RBMXL1: variants seen among roughly 807,000 people sequenced by gnomAD.
RBMXL1 encodes RBMX like 1, also known as RNA binding motif protein, X-linked-like-1.
A neutral mutation model predicts 29.0 loss-of-function variants in RBMXL1; 18 were observed. The ratio of observed to expected loss-of-function variants is 0.62; its 90% CI spans 0.43 to 0.92. The LOEUF is 0.92. Among genes scored for constraint, RBMXL1 ranks in the 40% least tolerant of loss-of-function variants. RBMXL1 has a pLI of 0.00. For synonymous variants in RBMXL1, 141 were observed against 170.4 expected, an observed-to-expected ratio of 0.83 and a Z score of 1.34; for missense variants, 403 against 495.8, an observed-to-expected ratio of 0.81 and a Z score of 1.78.
chr1:88,983,742 C>G lies in RBMXL1; in HGVS notation c.85G>C (p.Gly29Arg). The G allele has an allele frequency of 6.2e-7, 1 of 1,614,054 alleles. No individual in the cohort carries two copies. The highest frequency in any genetic ancestry group is 1.1e-5 in the South Asian group (1 of 91,074). ...ACTTCCACTATTCGTCCATATTTGCCAAATACTGTTTCAAGAGCTTTCTCA... is the reference window on the plus strand; with the variant it reads ...ACTTCCACTATTCGTCCATATTTGCGAAATACTGTTTCAAGAGCTTTCTCA... Reference protein sequence around the residue: ...TNEKALETVFGKYGRIVEVLL... With the variant: ...TNEKALETVFRKYGRIVEVLL... The change falls in exon 3 of 3, where the codon GGC becomes CGC. Residue 29 changes from glycine (G) to arginine (R), a missense_variant. Coordinates refer to ENST00000652648, the MANE Select transcript of RBMXL1 (RefSeq NM_001162536.3).
rs1295353030 is a variant in RBMXL1, at chr1:88,980,806, A to C, written c.*1848T>G. ...CACAGAAGCTTTAACCCAAGTAATC[A>C]TAAGAATATGGAAGGATTCGGCTAA... On this transcript the variant is annotated 3_prime_UTR_variant, in exon 3 of 3. Coordinates refer to ENST00000652648, the MANE Select transcript of RBMXL1 (RefSeq NM_001162536.3). 6.6e-6 allele frequency: 1 copy of C among 152,196 alleles called. No homozygotes were observed. Among genetic ancestry groups the C allele is most frequent in the African/African-American group, 2.4e-5 (1 of 41,442 alleles). The allele number at this position is 152,196 out of a possible 1,614,324, so 9.4% of individuals were successfully genotyped here. A position where few individuals can be genotyped will look rare whatever the true frequency, so the allele number is the denominator to read the frequency against.
chr1:88,981,200 C>T lies in RBMXL1; in HGVS notation c.*1454G>A, dbSNP rs1677068714. ...CCATCTTAGCATGGTTGTTACTTTC[C>T]AGATGTCACTCATAAGTTTTATTCT... On this transcript the variant is annotated 3_prime_UTR_variant, in exon 3 of 3. Transcript: ENST00000652648. The T allele has an allele frequency of 6.6e-6, 1 of 152,174 alleles. No individual in the cohort carries two copies. The allele number at this position is 152,174 out of a possible 1,614,324, so 9.4% of individuals were successfully genotyped here.
In RBMXL1 at chr1:88,981,051, A is replaced by G. The variant is rs1389724527; in HGVS notation, c.*1603T>C. The G allele has an allele frequency of 2.6e-5, 4 of 152,216 alleles. No homozygotes were observed. Among genetic ancestry groups the G allele is most frequent in the African/African-American group, 9.6e-5 (4 of 41,452 alleles). 9.4% of individuals were successfully genotyped at this position (152,216 alleles called of 1,614,324 possible). A position where few individuals can be genotyped will look rare whatever the true frequency, so the allele number is the denominator to read the frequency against. On this transcript the variant is annotated 3_prime_UTR_variant, in exon 3 of 3. Coordinates refer to ENST00000652648, the MANE Select transcript of RBMXL1 (RefSeq NM_001162536.3). ...AGTCTGTTTCCTTTGAGAACATTAC[A>G]CTATTGGCTCTAGTCTCCAAAGCAA...
intron 2 of RBMXL1, among the ~76,000 whole-genome samples, chr1:88,985,685 C>T (rs2101092170): frequency 6.6e-6 from 1 of 152,308 alleles, no homozygotes; most frequent in Middle Eastern, 3.4e-3. Flanking sequence ...CATGTAAGTG[C>T]TATGGCAATT....
At position 88,981,429 on chromosome 1, in the gene RBMXL1, C is replaced by T. The variant is rs1677084378; in HGVS notation, c.*1225G>A. Reference sequence around the variant, plus strand: ...CTGTGTAAAGGACCACGAGAACCTCCTGACTACCTCCACTTACCAATTTCC... The same window carrying T: ...CTGTGTAAAGGACCACGAGAACCTCTTGACTACCTCCACTTACCAATTTCC... On this transcript the variant is annotated 3_prime_UTR_variant, in exon 3 of 3. Coordinates refer to ENST00000652648, the MANE Select transcript of RBMXL1 (RefSeq NM_001162536.3). 1 of 152,730 alleles carries T rather than the reference C, an allele frequency of 6.5e-6. No individual in the cohort carries two copies. The highest frequency in any genetic ancestry group is 2.1e-4 in the South Asian group (1 of 4,850). The allele number at this position is 152,730 out of a possible 1,614,324, so 9.5% of individuals were successfully genotyped here. A position where few individuals can be genotyped will look rare whatever the true frequency, so the allele number is the denominator to read the frequency against.
At position 88,980,472 on chromosome 1, in the gene RBMXL1, A is replaced by G. The variant is rs905034100; in HGVS notation, c.*2182T>C. 4.6e-5 allele frequency: 7 copies of G among 152,518 alleles called. No individual in the cohort carries two copies. Among genetic ancestry groups the G allele is most frequent in the Non-Finnish European group, 8.8e-5 (6 of 68,010 alleles). The allele number at this position is 152,518 out of a possible 1,614,324, so 9.4% of individuals were successfully genotyped here. On this transcript the variant is annotated 3_prime_UTR_variant, in exon 3 of 3. Coordinates refer to ENST00000652648, the MANE Select transcript of RBMXL1 (RefSeq NM_001162536.3). ...AAAGTTGTATTAAGTTTCAATACAA[A>G]ACATTCCAAAAAGTGAAAAGTGATC...
intron 1 of RBMXL1, among the ~76,000 whole-genome samples, chr1:88,988,708 G>C (rs969644118): frequency 8.5e-5 from 13 of 152,154 alleles, no homozygotes; most frequent in African/African-American, 3.1e-4. Flanking sequence ...TTTCAATCTA[G>C]GAACTACTCA....
At position 88,983,266 on chromosome 1, in the gene RBMXL1, T is replaced by C. The variant is rs1677208271; in HGVS notation, c.561A>G (p.Arg187=). ...TTCGAGGTGGACCTCCATAACTATC[T>C]CTTCCACGTGATAGAGGAGCTCTTC... is the stretch of plus-strand genomic sequence containing the variant. The part of the protein sequence containing the change: ...MGGRAPLSRG[R]DSYGGPPRRE... The change falls in exon 3 of 3, where the codon AGA becomes AGG. Residue 187 remains arginine, a synonymous_variant. Transcript: ENST00000652648. The C allele has an allele frequency of 6.2e-7, 1 of 1,613,608 alleles. No homozygotes were observed. The highest frequency in any genetic ancestry group is 8.5e-7 in the Non-Finnish European group (1 of 1,179,948).
Position 88,979,481 on chromosome 1 carries a change from T to C in RBMXL1, c.*3173A>G, listed in dbSNP as rs1676966161. The C allele has an allele frequency of 6.6e-6, 1 of 152,118 alleles. No individual in the cohort carries two copies. Among genetic ancestry groups the C allele is most frequent in the African/African-American group, 2.4e-5 (1 of 41,426 alleles). 9.4% of individuals were successfully genotyped at this position (152,118 alleles called of 1,614,324 possible). Reference sequence around the variant, plus strand: ...TGTCTTACAAAGGACTTTAATACAGTATATATAAAGAACTTTTACAACTCA... The same window carrying C: ...TGTCTTACAAAGGACTTTAATACAGCATATATAAAGAACTTTTACAACTCA... On this transcript the variant is annotated 3_prime_UTR_variant, in exon 3 of 3. Transcript: ENST00000652648.
At chr1:88,987,908 G>T (rs561758421) in intron 2 of RBMXL1, among the ~76,000 whole-genome samples, 1 of 152,290 alleles carries the variant, frequency 6.6e-6, no homozygotes, top group South Asian at 2.1e-4. Flanking sequence ...TGTATTTGGT[G>T]GTTATGGGTT....
intron 2 of RBMXL1, among the ~76,000 whole-genome samples, chr1:88,985,267 G>A (rs1677386236): frequency 6.6e-6 from 1 of 152,188 alleles, no homozygotes; most frequent in Non-Finnish European, 1.5e-5. Flanking sequence ...CATATCAATA[G>A]GCCTGGGGCC....
intron 1 of RBMXL1, among the ~76,000 whole-genome samples, chr1:88,991,983 GT>G (rs10638041): frequency 6.9e-6 from 1 of 144,790 alleles, no homozygotes; most frequent in Non-Finnish European, 1.5e-5. Flanking sequence ...TATTCTTTTG[GT>G]TTTTTTTTTT....
chr1:88,979,675 G>A lies in RBMXL1; in HGVS notation c.*2979C>T, dbSNP rs1355861063. On this transcript the variant is annotated 3_prime_UTR_variant, in exon 3 of 3. Transcript: ENST00000652648. Reference sequence around the variant, plus strand: ...CCACTAGATTCCCATCAGAATGGCTGAAAACTGAGTGTTGGCAGTTGGAAC... The same window carrying A: ...CCACTAGATTCCCATCAGAATGGCTAAAAACTGAGTGTTGGCAGTTGGAAC... 1 of 152,198 alleles carries A rather than the reference G, an allele frequency of 6.6e-6. No individual in the cohort carries two copies. Among genetic ancestry groups the A allele is most frequent in the Non-Finnish European group, 1.5e-5 (1 of 68,038 alleles). 9.4% of individuals were successfully genotyped at this position (152,198 alleles called of 1,614,324 possible).
chr1:88,982,684 A>C lies in RBMXL1; in HGVS notation c.1143T>G (p.Ser381=). Residue 381 remains serine, a synonymous_variant, in exon 3 of 3, where the codon TCT becomes TCG. Transcript: ENST00000652648. ...PRGAGPGGSR[S]DRGGGRSRY is the part of the protein sequence containing the mutation. ...ATCTGCTTCTGCCTCCCCCTCTATC[A>C]GATCGGCTTCCTCCAGGGCCAGCAC... 3.1e-6 allele frequency: 5 copies of C among 1,613,082 alleles called. No individual in the cohort carries two copies. Among genetic ancestry groups the C allele is most frequent in the Non-Finnish European group, 4.2e-6 (5 of 1,179,414 alleles).
intron 1 of RBMXL1, among the ~76,000 whole-genome samples, chr1:88,989,161 G>A (rs1219493747): frequency 1.3e-5 from 2 of 152,188 alleles, no homozygotes; most frequent in East Asian, 1.9e-4. Flanking sequence ...TGCTGTATCA[G>A]TGGATGGCAT....
chr1:88,991,125 TAG>T (rs1333929161), intron 1 of RBMXL1, among the ~76,000 whole-genome samples: 2 of 152,204 alleles, frequency 1.3e-5, no homozygotes, highest in Admixed American at 6.5e-5. Flanking sequence ...ATCAACGGTT[TAG>T]ACTGTTTAAA....
chr1:88,988,609 AATT>A (rs1677608234), intron 1 of RBMXL1, among the ~76,000 whole-genome samples: 1 of 152,218 alleles, frequency 6.6e-6, no homozygotes, highest in Admixed American at 6.5e-5. Context: ...GAATATTCTT[AATT>A]AAAAAAATAA....
At chr1:88,991,245 C>A (rs1190190716) in intron 1 of RBMXL1, among the ~76,000 whole-genome samples, 1 of 152,148 alleles carries the variant, frequency 6.6e-6, no homozygotes, top group Non-Finnish European at 1.5e-5. Flanking sequence ...ACAAGCCCGT[C>A]AAAATAAATC....
chr1:88,981,974 C>A lies in RBMXL1; in HGVS notation c.*680G>T, dbSNP rs902148325. 3 of 984,272 alleles carry A rather than the reference C, an allele frequency of 3.0e-6. No homozygotes were observed. Among genetic ancestry groups the A allele is most frequent in the African/African-American group, 1.7e-5 (1 of 57,144 alleles). 61.0% of individuals were successfully genotyped at this position (984,272 alleles called of 1,614,324 possible). A position where few individuals can be genotyped will look rare whatever the true frequency, so the allele number is the denominator to read the frequency against. On this transcript the variant is annotated 3_prime_UTR_variant, in exon 3 of 3. Coordinates refer to ENST00000652648, the MANE Select transcript of RBMXL1 (RefSeq NM_001162536.3). ...TTTGCAGCTTCATGGTTGGTTTTGG[C>A]CAAACTTTTTATTTAGTATTCCGTA...
Sources: allele counts gnomAD v4.1 joint callset (sites outside exome capture counted in the v4.1 genomes callset), GRCh38; gene constraint gnomAD v4.1.1; transcripts MANE v1.5; gene names NCBI Gene and HGNC (gene_info 2026-07-23, HGNC 2026-07-21).